The following SYNPR variants were observed in gnomAD, a reference collection of about 807,000 sequenced individuals.
The protein encoded by SYNPR is synaptoporin.
SYNPR carries 23 observed loss-of-function variants against 32.9 expected under a neutral mutation model. The ratio of observed to expected loss-of-function variants is 0.70; its 90% CI spans 0.50 to 0.99. SYNPR has a LOEUF of 0.99. Among genes scored for constraint, SYNPR ranks in the 50% least tolerant of loss-of-function variants. The pLI is 0.00. For missense variants in SYNPR, 318 were observed against 349.3 expected, an observed-to-expected ratio of 0.91 and a Z score of 0.71; for synonymous variants, 146 against 135.9, an observed-to-expected ratio of 1.07 and a Z score of -0.52.
chr3:63,571,491 T>C (rs1348164622), intron 4 of SYNPR, among the ~76,000 whole-genome samples: 3 of 152,130 alleles, frequency 2.0e-5, no homozygotes, highest in African/African-American at 4.8e-5. Context: ...ACTTGATAAA[T>C]AGGTAATCCG....
At chr3:63,545,526 A>G (rs1348561335) in intron 3 of SYNPR, 2 of 152,134 alleles carry the variant, frequency 1.3e-5, no homozygotes, top group East Asian at 1.9e-4. Flanking sequence ...GGGGAAAATT[A>G]TTATAGAACC....
At chr3:63,494,300 C>T (rs996137318) in intron 3 of SYNPR, among the ~76,000 whole-genome samples, 1 of 149,652 alleles carries the variant, frequency 6.7e-6, no homozygotes, top group African/African-American at 2.4e-5. Flanking sequence ...GAGCATGTCC[C>T]CTTAAAAAAG....
chr3:63,293,005 T>C (rs911583542), intron 2 of SYNPR, among the ~76,000 whole-genome samples: 4 of 152,180 alleles, frequency 2.6e-5, no homozygotes, highest in Non-Finnish European at 4.4e-5. Flanking sequence ...ATCATGAATT[T>C]ATGAAGCTGT....
At chr3:63,485,591 C>T (rs1241778975) in intron 3 of SYNPR, among the ~76,000 whole-genome samples, 2 of 152,024 alleles carry the variant, frequency 1.3e-5, no homozygotes, top group African/African-American at 4.8e-5. Context: ...CAGACCAATA[C>T]AATGCAAATT....
intron 1 of SYNPR, among the ~76,000 whole-genome samples, chr3:63,232,601 G>A (rs2086174848): frequency 6.6e-6 from 1 of 152,136 alleles, no homozygotes; most frequent in South Asian, 2.1e-4. Context: ...TTTTTAGGAT[G>A]GCTTGTAGGA....
intron 2 of SYNPR, among the ~76,000 whole-genome samples, chr3:63,313,355 C>T (rs1484695652): frequency 6.6e-6 from 1 of 151,538 alleles, no homozygotes; most frequent in East Asian, 2.0e-4. Flanking sequence ...TCTTTTATCC[C>T]TCACCCCGCT....
chr3:63,316,525 G>A (rs1431607747), intron 2 of SYNPR, among the ~76,000 whole-genome samples: 1 of 151,922 alleles, frequency 6.6e-6, no homozygotes, highest in African/African-American at 2.4e-5. Context: ...TGGGCGTAAA[G>A]GTGTTCATAG....
intron 4 of SYNPR, among the ~76,000 whole-genome samples, chr3:63,592,143 T>C (rs1021962504): frequency 3.3e-5 from 5 of 151,996 alleles, no homozygotes; most frequent in Non-Finnish European, 7.4e-5. Flanking sequence ...ACTGGAGCGG[T>C]GCATCTATAA....
chr3:63,552,305 C>G (rs1213572810), intron 3 of SYNPR, among the ~76,000 whole-genome samples: 1 of 152,106 alleles, frequency 6.6e-6, no homozygotes, highest in Non-Finnish European at 1.5e-5. Flanking sequence ...TCACCTGTGT[C>G]AGAATAATTG....
chr3:63,301,732 G>C lies in SYNPR; in HGVS notation c.84+22990G>C, dbSNP rs760346330. On this transcript the variant is annotated intron_variant, in intron 2 of 5. Coordinates refer to ENST00000478300, the MANE Select transcript of SYNPR (RefSeq NM_001130003.2). ...ATGAGTAGAGTTGAACTGTTTTAGG[G>C]AATTTTCTGTAGAAGCTTAGCAGTA... Among the ~76,000 whole-genome samples, 3 of 152,004 alleles carry C rather than the reference G, an allele frequency of 2.0e-5. No homozygotes were observed. In the East Asian group the frequency reaches 5.8e-4, roughly 29 times the overall value.
At chr3:63,251,687 C>T (rs1271528264) in intron 1 of SYNPR, among the ~76,000 whole-genome samples, 1 of 151,910 alleles carries the variant, frequency 6.6e-6, no homozygotes, top group Non-Finnish European at 1.5e-5. Flanking sequence ...AATGCGATCC[C>T]GGGATGATCA....
At chr3:63,539,596 A>G (rs1374970724) in intron 3 of SYNPR, among the ~76,000 whole-genome samples, 3 of 152,136 alleles carry the variant, frequency 2.0e-5, no homozygotes. Flanking sequence ...CTGAGTAACA[A>G]CTTTAAAAAT....
At chr3:63,419,915 A>T (rs945020700) in intron 2 of SYNPR, among the ~76,000 whole-genome samples, 2 of 152,240 alleles carry the variant, frequency 1.3e-5, no homozygotes, top group Admixed American at 1.3e-4. Flanking sequence ...TTTGGTGAAG[A>T]TTCCAGTTTT....
At chr3:63,452,781 C>T (rs1361454673) in intron 2 of SYNPR, among the ~76,000 whole-genome samples, 1 of 152,110 alleles carries the variant, frequency 6.6e-6, no homozygotes, top group Non-Finnish European at 1.5e-5. Context: ...CAAGTCTAGG[C>T]TCTCACCCAT....
At chr3:63,206,558 C>T in the SYNPR span, among the ~76,000 whole-genome samples, 3 of 150,996 alleles carry the variant, frequency 2.0e-5, no homozygotes, top group East Asian at 5.8e-4. Context: ...GAGACTGTGT[C>T]TCAAAAAAAA....
chr3:63,447,646 C>A (rs1341998451), intron 2 of SYNPR, among the ~76,000 whole-genome samples: 2 of 150,426 alleles, frequency 1.3e-5, no homozygotes, highest in Non-Finnish European at 2.9e-5. Context: ...ATCAGTGTGT[C>A]TTTAAATGTT....
intron 3 of SYNPR, among the ~76,000 whole-genome samples, chr3:63,513,576 C>T (rs903423137): frequency 4.6e-5 from 7 of 152,004 alleles, no homozygotes; most frequent in African/African-American, 1.7e-4. Context: ...AGTCTGTGTC[C>T]TTCAATATAT....
chr3:63,261,007 C>T (rs762477506), intron 2 of SYNPR, among the ~76,000 whole-genome samples: 39 of 152,072 alleles, frequency 2.6e-4, no homozygotes, highest in Non-Finnish European at 4.9e-4. Context: ...AAATCAAAAC[C>T]ACAATGAGAT....
upstream of SYNPR, among the ~76,000 whole-genome samples, chr3:63,224,698 G>A (rs1318034133): frequency 6.6e-6 from 1 of 152,140 alleles, no homozygotes; most frequent in Non-Finnish European, 1.5e-5. Context: ...GAGGAGTTTG[G>A]GCTTTATTCT....
Sources: allele counts gnomAD v4.1 joint callset (sites outside exome capture counted in the v4.1 genomes callset), GRCh38; gene constraint gnomAD v4.1.1; transcripts MANE v1.5; gene names NCBI Gene and HGNC (gene_info 2026-07-23, HGNC 2026-07-21).